Variants in SPATA1 observed in about 807,000 individuals in gnomAD.
SPATA1 encodes the protein spermatogenesis associated 1, also known as spermatogenesis-associated protein 1.
Under a neutral mutation model 59.6 loss-of-function variants are expected in SPATA1, and 57 were observed. The ratio of observed to expected loss-of-function variants is 0.96; its 90% CI spans 0.77 to 1.19. The LOEUF (loss-of-function observed/expected upper bound fraction) is 1.19, where lower values mean the gene tolerates loss of function less well. Ranked by LOEUF, SPATA1 falls within the 50% of genes most tolerant of loss-of-function variation. The pLI is 0.00. For synonymous variants in SPATA1, 147 were observed against 163.9 expected (o/e 0.90, Z 0.79); for missense variants, 448 against 480.7 (o/e 0.93, Z 0.64).
At chr1:84,523,988 T>C (rs912915625) in intron 4 of SPATA1, among the ~76,000 whole-genome samples, 10 of 151,612 alleles carry the variant, frequency 6.6e-5, no homozygotes, top group African/African-American at 2.2e-4. Flanking sequence ...GAACTAGATA[T>C]AGATCTTGCC....
intron 4 of SPATA1, among the ~76,000 whole-genome samples, chr1:84,565,276 C>A (rs1684669501): frequency 6.6e-6 from 1 of 151,612 alleles, no homozygotes; most frequent in Admixed American, 6.6e-5. Context: ...CAAACCAATC[C>A]AAACTTTGAA....
At chr1:84,561,703 C>T (rs1317338540) in intron 4 of SPATA1, among the ~76,000 whole-genome samples, 2 of 152,178 alleles carry the variant, frequency 1.3e-5, no homozygotes, top group Non-Finnish European at 2.9e-5. Flanking sequence ...CAGCAACCAC[C>T]ACCCTGATCA....
intron 8 of SPATA1, among the ~76,000 whole-genome samples, chr1:84,539,429 C>T (rs973235950): frequency 2.2e-4 from 34 of 152,166 alleles, no homozygotes; most frequent in Middle Eastern, 3.2e-3. Flanking sequence ...TTTACGCTCC[C>T]GCTAGGAATC....
intron 4 of SPATA1, among the ~76,000 whole-genome samples, chr1:84,565,274 T>C (rs75628655): frequency 0.015 from 2,337 of 151,140 alleles, 56 homozygotes; most frequent in African/African-American, 0.053. Flanking sequence ...TACAAACCAA[T>C]CCAAACTTTG....
At chr1:84,509,920 G>T (rs1422672662) in intron 1 of SPATA1, among the ~76,000 whole-genome samples, 1 of 152,104 alleles carries the variant, frequency 6.6e-6, no homozygotes, top group Non-Finnish European at 1.5e-5. Context: ...AGGCACGGTG[G>T]CTTACGCTTG....
intron 10 of SPATA1, among the ~76,000 whole-genome samples, chr1:84,548,408 ATGTTATATG>A: frequency 6.8e-6 from 1 of 146,422 alleles, no homozygotes; most frequent in Admixed American, 6.9e-5. Context: ...ATAGTTATAT[ATGTTATATG>A]TATATATGTT....
intron 8 of SPATA1, among the ~76,000 whole-genome samples, chr1:84,539,722 A>G (rs1348469924): frequency 1.4e-4 from 21 of 152,138 alleles, no homozygotes; most frequent in Admixed American, 1.4e-3. Context: ...TGTGTTGCAA[A>G]TATCTTCCTC....
intron 2 of SPATA1, chr1:84,520,294 C>A: frequency 3.7e-6 from 1 of 270,044 alleles, no homozygotes; most frequent in Non-Finnish European, 6.9e-6. Context: ...TCTTGGTGCC[C>A]TAGGATTCTT....
rs760938487 is a variant in SPATA1, at chr1:84,536,998, G to C, written c.717+3232G>C. On this transcript the variant is annotated intron_variant, in intron 8 of 12. Transcript: ENST00000490879. Reference sequence around the variant, plus strand: ...AGGTTCAAGCGATTCTCCTGCCTCAGCCTTCCGAGTAGCTGGGATTATAGG... The same window carrying C: ...AGGTTCAAGCGATTCTCCTGCCTCACCCTTCCGAGTAGCTGGGATTATAGG... 4.0e-5 allele frequency among the ~76,000 whole-genome samples: 6 copies of C among 150,878 alleles called. No individual in the cohort carries two copies. In the East Asian group the frequency reaches 1.2e-3, roughly 30 times the overall value.
intron 2 of SPATA1, among the ~76,000 whole-genome samples, chr1:84,518,910 T>C (rs1682901774): frequency 6.6e-6 from 1 of 152,084 alleles, no homozygotes; most frequent in East Asian, 1.9e-4. Flanking sequence ...TACCACTTTA[T>C]AATATAGTAT....
chr1:84,529,999 G>A (rs1219917477), intron 6 of SPATA1, among the ~76,000 whole-genome samples: 2 of 152,044 alleles, frequency 1.3e-5, no homozygotes, highest in African/African-American at 2.4e-5. Flanking sequence ...TGGGACTACA[G>A]GCACACGCAG....
Position 84,511,322 on chromosome 1 carries a change from A to G in SPATA1, c.-137-4901A>G, listed in dbSNP as rs1469930493. ...TACAAAGTAAAAGAAACCTAACTCT[A>G]TAATTCCTTTTCCAACATAGATTCT... On this transcript the variant is annotated intron_variant, in intron 1 of 12. Coordinates refer to ENST00000490879, the Ensembl canonical transcript of SPATA1. Among the ~76,000 whole-genome samples the G allele has an allele frequency of 6.6e-5, 10 of 152,192 alleles. No individual in the cohort carries two copies. The East Asian group carries it at 1.3e-3, about 21-fold the overall frequency.
intron 12 of SPATA1, chr1:84,552,403 T>G (rs1684301159): frequency 6.6e-6 from 1 of 152,150 alleles, no homozygotes; most frequent in South Asian, 2.1e-4. Context: ...CTTGGAATAG[T>G]AAGGGCTCTG....
At chr1:84,528,756 A>C (rs1482860474) in intron 6 of SPATA1, among the ~76,000 whole-genome samples, 1 of 152,142 alleles carries the variant, frequency 6.6e-6, no homozygotes, top group Non-Finnish European at 1.5e-5. Flanking sequence ...TACATGTTCA[A>C]CTTCACTAAA....
intron 8 of SPATA1, among the ~76,000 whole-genome samples, chr1:84,540,974 C>T (rs927864148): frequency 6.6e-6 from 1 of 152,210 alleles, no homozygotes; most frequent in African/African-American, 2.4e-5. Context: ...TACTTTACTA[C>T]TTGAAGGATA....
intron 4 of SPATA1, 35 bp from the exon 14 acceptor site, chr1:84,565,826 T>C (rs1259372292): frequency 7.2e-7 from 1 of 1,398,214 alleles, no homozygotes; most frequent in Admixed American, 2.5e-5. Flanking sequence ...TAAATGACCA[T>C]GTTTAGAGTC....
At chr1:84,564,493 T>C (rs1684652518) in intron 4 of SPATA1, among the ~76,000 whole-genome samples, 2 of 152,244 alleles carry the variant, frequency 1.3e-5, no homozygotes, top group South Asian at 4.1e-4. Flanking sequence ...TAACCAAAAA[T>C]GGGGTGGGGT....
chr1:84,559,302 C>T (rs1000726078), downstream of SPATA1, among the ~76,000 whole-genome samples: 1 of 152,106 alleles, frequency 6.6e-6, no homozygotes, highest in Admixed American at 6.5e-5. Flanking sequence ...TTTGTGGGCA[C>T]CATGAACTGC....
intron 10 of SPATA1, 51 bp downstream of exon 10, chr1:84,545,810 C>A: frequency 1.6e-6 from 2 of 1,250,140 alleles, no homozygotes; most frequent in Non-Finnish European, 2.1e-6. Context: ...TTAAGTTTTA[C>A]AGAATTGATC....
Sources: allele counts gnomAD v4.1 joint callset (sites outside exome capture counted in the v4.1 genomes callset), GRCh38; gene constraint gnomAD v4.1.1; transcripts MANE v1.5; gene names NCBI Gene and HGNC (gene_info 2026-07-23, HGNC 2026-07-21).